SLC6A2: variants seen among roughly 807,000 people sequenced by gnomAD.
The protein encoded by SLC6A2 is sodium-dependent noradrenaline transporter.
A neutral mutation model predicts 71.7 loss-of-function variants in SLC6A2; 26 were observed. That is an observed-to-expected ratio of 0.36 (90% CI 0.27 to 0.50). SLC6A2 has a LOEUF of 0.50. Ranked by LOEUF, SLC6A2 falls within the 20% of genes least tolerant of loss-of-function variation. The pLI is 0.96. For missense variants in SLC6A2, 581 were observed against 803.9 expected, an observed-to-expected ratio of 0.72 and a Z score of 3.35; for synonymous variants, 363 against 337.9, an observed-to-expected ratio of 1.07 and a Z score of -0.82.
chr16:55,671,817 C>A (rs1365675414), intron 3 of SLC6A2, 121 bp from the exon 4 acceptor site: 2 of 1,529,986 alleles, frequency 1.3e-6, no homozygotes, highest in East Asian at 4.8e-5. Flanking sequence ...TTGGGGACCG[C>A]TGTTCTGCAG....
intron 5 of SLC6A2, among the ~76,000 whole-genome samples, chr16:55,689,145 G>T (rs1219605570): frequency 6.6e-6 from 1 of 152,202 alleles, no homozygotes; most frequent in East Asian, 1.9e-4. Context: ...GGGTGGAGAT[G>T]ACAGAGCCCA....
chr16:55,703,914 T>C lies in SLC6A2; in HGVS notation c.*1568T>C. On this transcript the variant is annotated 3_prime_UTR_variant, in exon 15 of 15. Coordinates refer to ENST00000568943, the MANE Select transcript of SLC6A2 (RefSeq NM_001172501.3). ...TCCCAGGGTCCTGAGGTTTCCTTGC[T>C]GGGTCGGGGTCCTCAGGTCATTCTA... The C allele has an allele frequency of 1.9e-6, 1 of 529,370 alleles. No individual in the cohort carries two copies. Among genetic ancestry groups the C allele is most frequent in the East Asian group, 1.5e-4 (1 of 6,746 alleles). The allele number at this position is 529,370 out of a possible 1,614,324, so 32.8% of individuals were successfully genotyped here.
At chr16:55,685,104 C>A (rs201969585) in intron 4 of SLC6A2, 39 bp from the exon 5 acceptor site, 1 of 1,611,722 alleles carries the variant, frequency 6.2e-7, no homozygotes, top group South Asian at 1.1e-5. Context: ...TCCTCCCTGA[C>A]GACATTTACC....
chr16:55,667,253 C>A (rs1964779059), intron 2 of SLC6A2, among the ~76,000 whole-genome samples: 1 of 152,174 alleles, frequency 6.6e-6, no homozygotes, highest in African/African-American at 2.4e-5. Flanking sequence ...TCTAGATCCT[C>A]AAGGGGAGTA....
chr16:55,692,118 G>T, intron 6 of SLC6A2, 66 bp downstream of exon 6: 1 of 1,585,070 alleles, frequency 6.3e-7, no homozygotes, highest in South Asian at 1.1e-5. Flanking sequence ...AGAAGGTGAT[G>T]ATGGAAAATC....
At chr16:55,659,349 T>A (rs1359998779) in intron 2 of SLC6A2, among the ~76,000 whole-genome samples, 1 of 152,194 alleles carries the variant, frequency 6.6e-6, no homozygotes, top group Non-Finnish European at 1.5e-5. Context: ...CTTTAGTCAT[T>A]GCCAGCAAAA....
At chr16:55,670,070 G>A (rs565928979) in intron 3 of SLC6A2, among the ~76,000 whole-genome samples, 20 of 152,284 alleles carry the variant, frequency 1.3e-4, no homozygotes, top group East Asian at 1.9e-4. Flanking sequence ...GAGCCCAGCC[G>A]GAAAGCTGAT....
intron 4 of SLC6A2, among the ~76,000 whole-genome samples, chr16:55,679,938 T>A (rs937168039): frequency 6.6e-6 from 1 of 152,218 alleles, no homozygotes; most frequent in Non-Finnish European, 1.5e-5. Flanking sequence ...GGGTGCACAC[T>A]GTCTTGTGTA....
At chr16:55,676,477 A>G (rs1181819173) in intron 4 of SLC6A2, among the ~76,000 whole-genome samples, 1 of 152,166 alleles carries the variant, frequency 6.6e-6, no homozygotes, top group East Asian at 1.9e-4. Context: ...CAAGATTTGG[A>G]CCCAGCCAGT....
At chr16:55,668,450 A>T (rs1964813718) in intron 2 of SLC6A2, among the ~76,000 whole-genome samples, 1 of 152,042 alleles carries the variant, frequency 6.6e-6, no homozygotes, top group Non-Finnish European at 1.5e-5. Context: ...TGTTTTCTTG[A>T]TGTGGGTAGG....
At chr16:55,699,082 T>C (rs922073814) in intron 11 of SLC6A2, among the ~76,000 whole-genome samples, 3 of 152,208 alleles carry the variant, frequency 2.0e-5, no homozygotes, top group Non-Finnish European at 2.9e-5. Flanking sequence ...TAATTGTTTG[T>C]TTTTCCCCAC....
rs376015006 is a variant in SLC6A2, at chr16:55,671,923, C to G, written c.407-15C>G. On this transcript the variant is annotated splice_polypyrimidine_tract_variant and intron_variant, in intron 3 of 14. Coordinates refer to ENST00000568943, the MANE Select transcript of SLC6A2 (RefSeq NM_001172501.3). ...GGCCTGGGAGACTCCTACCTTACCC[C>G]CTGTCCCTGCCCAGGCGTTGGCTAT... 506 of 1,613,996 alleles carry G rather than the reference C, an allele frequency of 3.1e-4. 2 individuals are homozygous for G. The highest frequency in any genetic ancestry group is 3.7e-4 in the Non-Finnish European group (442 of 1,179,976).
chr16:55,689,293 T>A (rs1303072255), intron 5 of SLC6A2, among the ~76,000 whole-genome samples: 1 of 152,200 alleles, frequency 6.6e-6, no homozygotes, highest in Non-Finnish European at 1.5e-5. Context: ...ATTCTGAGAA[T>A]CTTCAACAAG....
At chr16:55,657,901 G>A (rs1446432741) in intron 2 of SLC6A2, among the ~76,000 whole-genome samples, 1 of 107,338 alleles carries the variant, frequency 9.3e-6, no homozygotes, top group Non-Finnish European at 2.1e-5. Flanking sequence ...GCTCCTTCCT[G>A]AGGGGCTTTG....
At chr16:55,661,206 G>T (rs189076409) in intron 2 of SLC6A2, among the ~76,000 whole-genome samples, 7 of 152,330 alleles carry the variant, frequency 4.6e-5, no homozygotes, top group Admixed American at 2.0e-4. Flanking sequence ...TTCTTCCAGG[G>T]AAGTGGCCAC....
intron 2 of SLC6A2, among the ~76,000 whole-genome samples, chr16:55,658,127 A>C (rs1421694682): frequency 2.0e-5 from 3 of 152,146 alleles, no homozygotes; most frequent in African/African-American, 7.2e-5. Flanking sequence ...GGGAAAGCTC[A>C]TGACCTGTTC....
At position 55,700,162 on chromosome 16, in the gene SLC6A2, C is replaced by T. The variant is rs771065167; in HGVS notation, c.1614C>T (p.Ile538=). 3 of 1,614,008 alleles carry T rather than the reference C, an allele frequency of 1.9e-6. No homozygotes were observed. The African/African-American group carries it at 4.0e-5, about 22-fold the overall frequency. Residue 538 remains isoleucine, a synonymous_variant, in exon 13 of 15, where the codon ATC becomes ATT. Transcript: ENST00000568943. Reference sequence around the variant, plus strand: ...AGTTCGTGGTTGTGGTCAGCATCATCAACTTCAAGCCACTCACCTACGACG... The same window carrying T: ...AGTTCGTGGTTGTGGTCAGCATCATTAACTTCAAGCCACTCACCTACGACG... The part of the protein sequence containing the change: ...FLLFVVVVSI[I]NFKPLTYDDY...
intron 2 of SLC6A2, among the ~76,000 whole-genome samples, chr16:55,661,785 CCTT>C (rs1282305227): frequency 6.6e-6 from 1 of 152,198 alleles, no homozygotes; most frequent in Admixed American, 6.5e-5. Flanking sequence ...GGTCCCATGA[CCTT>C]CTGTGATTCT....
intron 2 of SLC6A2, among the ~76,000 whole-genome samples, chr16:55,664,036 G>T (rs1964681008): frequency 6.6e-6 from 1 of 152,084 alleles, no homozygotes; most frequent in Non-Finnish European, 1.5e-5. Flanking sequence ...AATCATGGTG[G>T]CCAAACATGC....
Sources: allele counts gnomAD v4.1 joint callset (sites outside exome capture counted in the v4.1 genomes callset), GRCh38; gene constraint gnomAD v4.1.1; transcripts MANE v1.5; gene names NCBI Gene and HGNC (gene_info 2026-07-23, HGNC 2026-07-21).